Variants in HRH1 observed in about 807,000 individuals in gnomAD.
The protein encoded by HRH1 is histamine receptor H1, also known as histamine H1 receptor.
A neutral mutation model predicts 10.3 loss-of-function variants in HRH1; 6 were observed. The ratio of observed to expected loss-of-function variants is 0.58; its 90% confidence interval spans 0.32 to 1.15. The LOEUF (loss-of-function observed/expected upper bound fraction) is 1.15, where lower values mean the gene tolerates loss of function less well. Among genes scored for constraint, HRH1 ranks in the 50% most tolerant of loss-of-function variants. The pLI is 0.05. For missense variants in HRH1, 514 were observed against 615.3 expected, an observed-to-expected ratio of 0.84 and a Z score of 1.74; for synonymous variants, 242 against 236.7, an observed-to-expected ratio of 1.02 and a Z score of -0.21.
At chr3:11,240,835 T>C (rs1045491723) in intron 1 of HRH1, among the ~76,000 whole-genome samples, 8 of 152,186 alleles carry the variant, frequency 5.3e-5, no homozygotes, top group African/African-American at 1.9e-4. Context: ...GCATGACACC[T>C]CTTTCTCAGA....
chr3:11,162,556 G>A lies in HRH1; in HGVS notation c.-36+8002G>A, dbSNP rs924963633. 3.4e-5 allele frequency among the ~76,000 whole-genome samples: 5 copies of A among 147,350 alleles called. No individual in the cohort carries two copies. In the South Asian group the frequency reaches 6.6e-4, roughly 19 times the overall value. ...GTCACCCAGTCCTCAACAGCTCTACGAGATGCATATTCATGTGCCCATTTT... is the reference window on the plus strand; with the variant it reads ...GTCACCCAGTCCTCAACAGCTCTACAAGATGCATATTCATGTGCCCATTTT... On this transcript the variant is annotated intron_variant, in intron 1 of 1. Coordinates refer to ENST00000431010, the MANE Select transcript of HRH1 (RefSeq NM_001098212.2).
chr3:11,159,685 T>C (rs1389623053), intron 1 of HRH1, among the ~76,000 whole-genome samples: 3 of 152,246 alleles, frequency 2.0e-5, no homozygotes, highest in Non-Finnish European at 4.4e-5. Flanking sequence ...CAGGCTTTGG[T>C]ATCAAGGTTA....
intron 1 of HRH1, among the ~76,000 whole-genome samples, chr3:11,164,085 G>A (rs894780438): frequency 6.6e-6 from 1 of 150,500 alleles, no homozygotes. Context: ...GAATGAATGA[G>A]TGAGCAGGAC....
intron 1 of HRH1, among the ~76,000 whole-genome samples, chr3:11,248,249 A>G (rs1317700689): frequency 7.2e-5 from 11 of 152,230 alleles, no homozygotes; most frequent in Admixed American, 7.2e-4. Context: ...CATCTCTAGT[A>G]AAATTAACAA....
intron 1 of HRH1, among the ~76,000 whole-genome samples, chr3:11,143,019 C>A (rs1021684898): frequency 2.0e-5 from 3 of 152,076 alleles, no homozygotes; most frequent in African/African-American, 7.2e-5. Flanking sequence ...CAAGACAGGA[C>A]AAAAGCTTGC....
chr3:11,218,032 G>A (rs1471734750), intron 1 of HRH1, among the ~76,000 whole-genome samples: 1 of 152,064 alleles, frequency 6.6e-6, no homozygotes, highest in Non-Finnish European at 1.5e-5. Context: ...TTCTTTCAAG[G>A]AAAAAGTATA....
intron 1 of HRH1, among the ~76,000 whole-genome samples, chr3:11,138,559 A>G (rs1936230078): frequency 6.6e-6 from 1 of 152,202 alleles, no homozygotes; most frequent in Non-Finnish European, 1.5e-5. Context: ...CGGTGCAGTT[A>G]CTTTGGAAAA....
chr3:11,170,412 T>C (rs906271973), intron 1 of HRH1, among the ~76,000 whole-genome samples: 1 of 152,354 alleles, frequency 6.6e-6, no homozygotes, highest in South Asian at 2.1e-4. Context: ...ACATGTTTAT[T>C]TGTGCACCTA....
chr3:11,234,412 C>G, intron 1 of HRH1: 1 of 1,605,030 alleles, frequency 6.2e-7, no homozygotes, highest in Non-Finnish European at 8.5e-7. Flanking sequence ...TGGCCCGGAA[C>G]CGGTCTACAC....
intron 1 of HRH1, among the ~76,000 whole-genome samples, chr3:11,159,835 G>A (rs1936890191): frequency 6.6e-6 from 1 of 152,200 alleles, no homozygotes; most frequent in Non-Finnish European, 1.5e-5. Flanking sequence ...TGCTAACGTG[G>A]AGGGTAGGGA....
rs1467356932 is a variant in HRH1 at position 11,259,375 on chromosome 3, C to T, written c.338C>T (p.Ala113Val). The change falls in exon 2 of 2, where the codon GCG becomes GTG. Residue 113 changes from alanine (A) to valine (V), a missense_variant. Physicochemically the swap from Ala to Val is moderately conservative, Grantham distance 64. Transcript: ENST00000431010. This position sits in a 1 kb window ranked among gnomAD's most constrained non-coding sequence, Gnocchi z 4.6. Reference sequence around the variant, plus strand: ...TCCATGGACTATGTGGCCAGCACAGCGTCCATTTTCAGTGTCTTCATCCTG... The same window carrying T: ...TCCATGGACTATGTGGCCAGCACAGTGTCCATTTTCAGTGTCTTCATCCTG... Reference protein sequence around the residue: ...WLSMDYVASTASIFSVFILCI... With the variant: ...WLSMDYVASTVSIFSVFILCI... 1.9e-6 allele frequency: 3 copies of T among 1,613,768 alleles called. No homozygotes were observed. Among genetic ancestry groups the T allele is most frequent in the South Asian group, 1.1e-5 (1 of 91,070 alleles).
rs1939941731 is a variant in HRH1 at position 11,261,054 on chromosome 3, C to G, written c.*553C>G. ...TGACAGCTGTTCCACAGGGGCTATC[C>G]CTTCTCAGAAAACTTCTCTTCTGAG... On this transcript the variant is annotated 3_prime_UTR_variant, in exon 2 of 2. Coordinates refer to ENST00000431010, the MANE Select transcript of HRH1 (RefSeq NM_001098212.2). The G allele has an allele frequency of 6.0e-6, 1 of 167,270 alleles. No homozygotes were observed. The highest frequency in any genetic ancestry group is 1.5e-5 in the Non-Finnish European group (1 of 68,294). The allele number at this position is 167,270 out of a possible 1,614,324, so 10.4% of individuals were successfully genotyped here. A position where few individuals can be genotyped will look rare whatever the true frequency, so the allele number is the denominator to read the frequency against.
intron 1 of HRH1, among the ~76,000 whole-genome samples, chr3:11,244,689 CTCT>C (rs1175906145): frequency 1.3e-5 from 2 of 152,228 alleles, no homozygotes; most frequent in East Asian, 1.9e-4. Flanking sequence ...TCCAGGTTGC[CTCT>C]TCTTTCATGC....
At chr3:11,165,133 G>C (rs981473086) in intron 1 of HRH1, among the ~76,000 whole-genome samples, 1 of 152,198 alleles carries the variant, frequency 6.6e-6, no homozygotes, top group African/African-American at 2.4e-5. Context: ...TAAGTGACTC[G>C]CATAAGCTCA....
upstream of HRH1, among the ~76,000 whole-genome samples, chr3:11,149,887 G>C (rs1936562504): frequency 6.6e-6 from 1 of 152,236 alleles, no homozygotes; most frequent in Admixed American, 6.5e-5. Flanking sequence ...GAGACACTGA[G>C]TGACTTGCCT....
intron 1 of HRH1, among the ~76,000 whole-genome samples, chr3:11,200,446 G>A (rs1018666613): frequency 2.0e-5 from 3 of 152,194 alleles, no homozygotes; most frequent in South Asian, 2.1e-4. Flanking sequence ...CAGCTCTGCC[G>A]TTGAAGAGCC....
intron 1 of HRH1, among the ~76,000 whole-genome samples, chr3:11,237,707 G>C (rs1467978443): frequency 1.1e-5 from 1 of 94,832 alleles, no homozygotes; most frequent in Non-Finnish European, 1.9e-5. Context: ...ATGGAGTCTT[G>C]CTCTGTCAAC....
intron 1 of HRH1, among the ~76,000 whole-genome samples, chr3:11,186,108 G>A (rs771333058): frequency 3.9e-5 from 6 of 151,974 alleles, no homozygotes; most frequent in Admixed American, 2.6e-4. Context: ...AAGCAAGATC[G>A]AGCCCTGTTT....
intron 1 of HRH1, among the ~76,000 whole-genome samples, chr3:11,200,300 C>G (rs1937854201): frequency 6.6e-6 from 1 of 152,186 alleles, no homozygotes; most frequent in Admixed American, 6.5e-5. Flanking sequence ...AGGGAGTATA[C>G]ATTTCCTTAT....
Sources: gnomAD v4.1 joint callset for allele counts (sites outside exome capture counted in the v4.1 genomes callset) on GRCh38, gnomAD v4.1.1 for gene constraint, Gnocchi (gnomAD v3.1) non-coding constraint, MANE v1.5 for transcripts, NCBI Gene and HGNC (gene_info 2026-07-23, HGNC 2026-07-21) for gene names.